Variants in MYO9A observed in about 807,000 individuals in gnomAD.
MYO9A encodes unconventional myosin-IXa.
A neutral mutation model predicts 293.3 loss-of-function variants in MYO9A; 103 were observed. The observed-to-expected ratio is 0.35, with a 90% CI of 0.30 to 0.41. The LOEUF is 0.41. Ranked by LOEUF, MYO9A falls within the 10% of genes least tolerant of loss-of-function variation. MYO9A has a pLI of 1.00. For synonymous variants in MYO9A, 1,001 were observed against 1,035.7 expected, an observed-to-expected ratio of 0.97 and a Z score of 0.64; for missense variants, 2,685 against 3,033.0, an observed-to-expected ratio of 0.89 and a Z score of 2.69.
chr15:71,875,845 G>A lies in MYO9A; in HGVS notation c.5932-7C>T, dbSNP rs775492567. The A allele has an allele frequency of 4.4e-6, 6 of 1,366,262 alleles. No homozygotes were observed. The highest frequency in any genetic ancestry group is 3.9e-5 in the South Asian group (2 of 51,318). 84.6% of individuals were successfully genotyped at this position (1,366,262 alleles called of 1,614,324 possible). On this transcript the variant is annotated splice_polypyrimidine_tract_variant and splice_region_variant and intron_variant, in intron 31 of 41. Transcript: ENST00000356056. ...TTCTTTCTGTTTTTGGCACCTGACA[G>A]GGGGACAGGAGATATATGGAAATTG...
chr15:71,864,838 T>C (rs1046663508), intron 32 of MYO9A, among the ~76,000 whole-genome samples: 6 of 152,150 alleles, frequency 3.9e-5, no homozygotes, highest in African/African-American at 1.4e-4. Context: ...GACTGTAAAC[T>C]GGCATGAAAA....
rs181886476 is a variant in MYO9A at position 71,928,338 on chromosome 15, A to G, written c.2562+5332T>C. ...ATGATCCACCCGCCTCGGCCTCCCA[A>G]AGTGCTGTCTAATATATTTTTAAAT... On this transcript the variant is annotated intron_variant, in intron 18 of 41. Transcript: ENST00000356056. Among the ~76,000 whole-genome samples, 4 of 151,356 alleles carry G rather than the reference A, an allele frequency of 2.6e-5. No individual in the cohort carries two copies. In the East Asian group the frequency reaches 5.8e-4, roughly 22 times the overall value.
intron 39 of MYO9A, among the ~76,000 whole-genome samples, chr15:71,845,607 C>T (rs1234141492): frequency 6.6e-6 from 1 of 152,182 alleles, no homozygotes; most frequent in Non-Finnish European, 1.5e-5. Context: ...ACTGCTGTCA[C>T]CGTTACGTGA....
chr15:71,967,883 C>T (rs2147271613), intron 13 of MYO9A, 101 bp downstream of exon 13: 2 of 1,174,772 alleles, frequency 1.7e-6, no homozygotes, highest in South Asian at 2.3e-5. Context: ...CCAGTTATTA[C>T]TGATCAAAAG....
chr15:71,998,452 T>A (rs1307175459), intron 9 of MYO9A, among the ~76,000 whole-genome samples: 1 of 152,150 alleles, frequency 6.6e-6, no homozygotes, highest in East Asian at 1.9e-4. Context: ...AAAAGTTAAA[T>A]TTTTTAAAAG....
chr15:72,084,534 T>C (rs953178527), intron 1 of MYO9A, among the ~76,000 whole-genome samples: 1 of 152,224 alleles, frequency 6.6e-6, no homozygotes, highest in African/African-American at 2.4e-5. Flanking sequence ...CTGGTTGTTA[T>C]GCAGACTTGT....
intron 15 of MYO9A, among the ~76,000 whole-genome samples, chr15:71,943,978 C>T (rs2058846948): frequency 6.6e-6 from 1 of 152,076 alleles, no homozygotes; most frequent in Non-Finnish European, 1.5e-5. Context: ...TTTGACAGTG[C>T]CAAGAGACAG....
rs1372757259 is a variant in MYO9A at position 71,988,687 on chromosome 15, C to T, written c.1722+2416G>A. Among the ~76,000 whole-genome samples, 4 of 152,120 alleles carry T rather than the reference C, an allele frequency of 2.6e-5. No homozygotes were observed. In the South Asian group the frequency reaches 8.3e-4, roughly 32 times the overall value. ...TCTTTTCTCCCTCTTTTCTGTAGAC[C>T]TGCTAGCTGTTGTAGTCTTTCTGTT... On this transcript the variant is annotated intron_variant, in intron 11 of 41. Transcript: ENST00000356056.
At chr15:71,933,641 A>C (rs2058544562) in intron 18 of MYO9A, 29 bp downstream of exon 18, 2 of 1,591,256 alleles carry the variant, frequency 1.3e-6, no homozygotes, top group East Asian at 4.5e-5. Context: ...GCAGAATACC[A>C]ATACAAAAAA....
At chr15:71,938,982 G>T (rs1052431818) in intron 15 of MYO9A, 55 bp from the exon 16 acceptor site, 2 of 1,365,324 alleles carry the variant, frequency 1.5e-6, no homozygotes, top group African/African-American at 1.5e-5. Flanking sequence ...AAAATGAAAC[G>T]TGAAATAGTT....
rs1157420143 is a variant in MYO9A, at chr15:71,826,887, G to GT, written c.7339dup (p.Thr2447AsnfsTer20). ...GGAATAAATCTGAAATAGTTTTCTG[G>GT]TCCCATGAGATGATGCCGTGTTAGA... On this transcript the variant is annotated frameshift_variant, in exon 42 of 42. Transcript: ENST00000356056. LOFTEE classifies it high-confidence loss of function. The GT allele has an allele frequency of 6.2e-7, 1 of 1,613,968 alleles. No homozygotes were observed. Among genetic ancestry groups the GT allele is most frequent in the East Asian group, 2.2e-5 (1 of 44,896 alleles).
At chr15:72,006,230 C>T (rs748295648) in intron 8 of MYO9A, among the ~76,000 whole-genome samples, 14 of 152,062 alleles carry the variant, frequency 9.2e-5, no homozygotes, top group East Asian at 1.9e-4. Flanking sequence ...CACGTCACCA[C>T]GCCCAGCTAA....
At chr15:72,073,058 A>G (rs1227237215) in intron 1 of MYO9A, among the ~76,000 whole-genome samples, 1 of 152,200 alleles carries the variant, frequency 6.6e-6, no homozygotes. Context: ...AAGACCAGTC[A>G]TGGTTAGTAA....
intron 1 of MYO9A, among the ~76,000 whole-genome samples, chr15:72,113,970 G>C (rs1251078524): frequency 6.6e-6 from 1 of 152,104 alleles, no homozygotes; most frequent in Non-Finnish European, 1.5e-5. Context: ...ATAAGGAGCA[G>C]AAATTAGTAA....
intron 8 of MYO9A, among the ~76,000 whole-genome samples, chr15:72,002,552 T>C (rs1028349248): frequency 5.3e-5 from 8 of 152,012 alleles, no homozygotes; most frequent in East Asian, 1.9e-4. Flanking sequence ...ATATAGAATA[T>C]AGAAATCAGC....
chr15:72,114,774 A>T (rs1567057051), intron 1 of MYO9A, among the ~76,000 whole-genome samples: 1 of 152,228 alleles, frequency 6.6e-6, no homozygotes, highest in Non-Finnish European at 1.5e-5. Flanking sequence ...AGGAATCAAT[A>T]CATTAAGTCA....
intron 39 of MYO9A, 138 bp downstream of exon 39, chr15:71,848,707 G>T: frequency 2.1e-6 from 2 of 948,804 alleles, no homozygotes; most frequent in Non-Finnish European, 3.0e-6. Flanking sequence ...GGAATCCATA[G>T]CACCTTGAGA....
At chr15:71,912,806 T>C (rs1381233201) in intron 19 of MYO9A, among the ~76,000 whole-genome samples, 4 of 152,190 alleles carry the variant, frequency 2.6e-5, no homozygotes, top group Admixed American at 2.6e-4. Context: ...TTTCTCTTTT[T>C]GGTCTTTTGA....
chr15:71,891,510 A>G (rs1267777418), intron 26 of MYO9A: 1 of 152,224 alleles, frequency 6.6e-6, no homozygotes, highest in African/African-American at 2.4e-5. Context: ...AGTTTGTTCC[A>G]TTACATAATT....
Sources: gnomAD v4.1 joint callset for allele counts (sites outside exome capture counted in the v4.1 genomes callset) on GRCh38, gnomAD v4.1.1 for gene constraint, MANE v1.5 for transcripts, NCBI Gene and HGNC (gene_info 2026-07-23, HGNC 2026-07-21) for gene names.